The following TNR variants were observed in gnomAD, a reference collection of about 807,000 sequenced individuals.
The protein encoded by TNR is tenascin-R.
Under a neutral mutation model 150.4 loss-of-function variants are expected in TNR, and 45 were observed. That is an observed-to-expected ratio of 0.30 (90% confidence interval 0.24 to 0.38). The LOEUF (loss-of-function observed/expected upper bound fraction) is 0.38. Ranked by LOEUF, TNR falls within the 10% of genes least tolerant of loss-of-function variation. TNR has a pLI of 1.00. For missense variants in TNR, 1,544 were observed against 1,759.1 expected (o/e 0.88, Z 2.19); for synonymous variants, 687 against 678.4 (o/e 1.01, Z -0.20).
chr1:175,655,614 C>T (rs72725487), intron 1 of TNR, among the ~76,000 whole-genome samples: 10,669 of 152,204 alleles, frequency 0.07, 439 homozygotes, highest in East Asian at 0.14. Flanking sequence ...TGCAAAAGCA[C>T]CTTGAAGACT....
At chr1:175,330,358 T>G in intron 20 of TNR, 123 bp from the exon 21 acceptor site, 3 of 1,039,222 alleles carry the variant, frequency 2.9e-6, no homozygotes, top group Non-Finnish European at 4.0e-6. Context: ...AGATTGCTTT[T>G]GCTCTTGGTG....
intron 18 of TNR, among the ~76,000 whole-genome samples, chr1:175,352,448 A>C (rs1651095196): frequency 6.6e-6 from 1 of 152,222 alleles, no homozygotes; most frequent in African/African-American, 2.4e-5. Flanking sequence ...TTCAATGGAA[A>C]GCTCCAACCC....
intron 2 of TNR, among the ~76,000 whole-genome samples, chr1:175,448,446 G>A (rs1306269773): frequency 3.3e-5 from 5 of 152,012 alleles, no homozygotes; most frequent in South Asian, 2.1e-4. Flanking sequence ...TCCTGACCTC[G>A]TGATCCGCCC....
At chr1:175,609,092 A>G (rs1663511445) in intron 1 of TNR, among the ~76,000 whole-genome samples, 1 of 152,230 alleles carries the variant, frequency 6.6e-6, no homozygotes, top group South Asian at 2.1e-4. Context: ...TGGGGAATGG[A>G]TAAGCCAGGC....
At chr1:175,403,036 A>C in intron 4 of TNR, 104 bp downstream of exon 4, 16 of 972,440 alleles carry the variant, frequency 1.6e-5, no homozygotes, top group East Asian at 2.4e-5. Context: ...TATTTTGCCT[A>C]AACTTCACTT....
At chr1:175,519,190 C>T (rs749447840) in intron 2 of TNR, among the ~76,000 whole-genome samples, 14 of 152,186 alleles carry the variant, frequency 9.2e-5, no homozygotes, top group East Asian at 3.8e-4. Context: ...TTACAGTTAC[C>T]GCTCTGACTC....
At chr1:175,741,327 C>CT (rs957281616) in intron 1 of TNR, among the ~76,000 whole-genome samples, 7 of 152,150 alleles carry the variant, frequency 4.6e-5, no homozygotes, top group South Asian at 2.1e-4. Flanking sequence ...TCACTGAGCA[C>CT]TTTTTTTTCA....
chr1:175,554,637 T>C (rs925340910), intron 1 of TNR, among the ~76,000 whole-genome samples: 1 of 152,192 alleles, frequency 6.6e-6, no homozygotes, highest in Non-Finnish European at 1.5e-5. Context: ...TGGCTAAGGC[T>C]CTGGGCATGG....
chr1:175,465,196 A>G (rs373914041), intron 2 of TNR, among the ~76,000 whole-genome samples: 26 of 152,294 alleles, frequency 1.7e-4, no homozygotes, highest in African/African-American at 6.3e-4. Flanking sequence ...AGCTCTACCA[A>G]TTACTTGCAA....
rs184935015 is a variant in TNR at position 175,738,571 on chromosome 1, A to G, written c.-165+4655T>C. On this transcript the variant is annotated intron_variant, in intron 1 of 22. Transcript: ENST00000367674. ...GAGTTTCAATTTGGAAAAATGAGAA[A>G]GTTCGGAAAATGGATGATGGTGATG... 3.2e-3 allele frequency among the ~76,000 whole-genome samples: 490 copies of G among 152,344 alleles called. 3 individuals are homozygous for G. The highest frequency in any genetic ancestry group is 9.1e-3 in the African/African-American group (379 of 41,578).
intron 1 of TNR, chr1:175,539,156 A>C (rs1660403215): frequency 1.3e-5 from 2 of 152,254 alleles, no homozygotes; most frequent in Non-Finnish European, 2.9e-5. Context: ...AATCACACTC[A>C]GCTTTTCACA....
At position 175,318,484 on chromosome 1, in the gene TNR, A is replaced by G. The variant is rs769489132; in HGVS notation, c.*4873T>C. On this transcript the variant is annotated 3_prime_UTR_variant, in exon 23 of 23. Coordinates refer to ENST00000367674, the MANE Select transcript of TNR (RefSeq NM_003285.3). Reference sequence around the variant, plus strand: ...ACACCAATACATCATCTTAAAGCATATAGGAGTTACTTTCCCTGCTTGCTT... The same window carrying G: ...ACACCAATACATCATCTTAAAGCATGTAGGAGTTACTTTCCCTGCTTGCTT... The G allele has an allele frequency of 3.3e-5, 5 of 152,246 alleles. No individual in the cohort carries two copies. The highest frequency in any genetic ancestry group is 9.6e-5 in the African/African-American group (4 of 41,464). 9.4% of individuals were successfully genotyped at this position (152,246 alleles called of 1,614,324 possible). A position where few individuals can be genotyped will look rare whatever the true frequency, so the allele number is the denominator to read the frequency against.
chr1:175,630,255 C>T (rs1664285267), intron 1 of TNR, among the ~76,000 whole-genome samples: 1 of 152,164 alleles, frequency 6.6e-6, no homozygotes. Context: ...GAGAGAAGAG[C>T]CTTTACTTCA....
chr1:175,515,553 TG>T (rs769583743), intron 2 of TNR, among the ~76,000 whole-genome samples: 6 of 152,146 alleles, frequency 3.9e-5, no homozygotes, highest in Non-Finnish European at 8.8e-5. Flanking sequence ...ATTCTGGACT[TG>T]GGTGTGGCCA....
chr1:175,735,964 A>G (rs1312702217), intron 1 of TNR, among the ~76,000 whole-genome samples: 4 of 152,246 alleles, frequency 2.6e-5, no homozygotes, highest in African/African-American at 7.2e-5. Flanking sequence ...AGGAGAAAAA[A>G]TAGCCAACAC....
At chr1:175,529,208 A>C (rs1183423835) in intron 1 of TNR, among the ~76,000 whole-genome samples, 1 of 152,138 alleles carries the variant, frequency 6.6e-6, no homozygotes, top group African/African-American at 2.4e-5. Context: ...CCTTCTCCAA[A>C]TGGGACACTG....
At position 175,331,051 on chromosome 1, in the gene TNR, T is replaced by TTCTTTCTTTCTTTCTG. The variant is rs1649785581; in HGVS notation, c.3632-817_3632-816insCAGAAAGAAAGAAAGA. ...TTTCTTTCTTTCTTTCTTTCTTTCT[T>TTCTTTCTTTCTTTCTG]TCTTTCTTTCTTTCTTTCTTTCTTT... On this transcript the variant is annotated intron_variant, in intron 20 of 22. Transcript: ENST00000367674. Among the ~76,000 whole-genome samples the TTCTTTCTTTCTTTCTG allele has an allele frequency of 1.5e-3, 156 of 106,764 alleles. 5 individuals carry two copies. Among genetic ancestry groups the TTCTTTCTTTCTTTCTG allele is most frequent in the African/African-American group, 5.4e-3 (151 of 27,846 alleles). The allele number at this position is 106,764 out of a possible 152,430, so 70.0% of individuals were successfully genotyped here. A position where few individuals can be genotyped will look rare whatever the true frequency, so the allele number is the denominator to read the frequency against.
intron 1 of TNR, among the ~76,000 whole-genome samples, chr1:175,727,932 T>C (rs533533497): frequency 6.6e-6 from 1 of 152,358 alleles, no homozygotes; most frequent in East Asian, 1.9e-4. Flanking sequence ...AAAGGTAACT[T>C]ACTAGGAAAA....
intron 2 of TNR, among the ~76,000 whole-genome samples, chr1:175,512,238 G>C (rs535137809): frequency 6.6e-6 from 1 of 152,312 alleles, no homozygotes; most frequent in African/African-American, 2.4e-5. Flanking sequence ...GTTAAGATCC[G>C]TGACCATTTC....
Sources: gnomAD v4.1 joint callset for allele counts (sites outside exome capture counted in the v4.1 genomes callset) on GRCh38, gnomAD v4.1.1 for gene constraint, MANE v1.5 for transcripts, NCBI Gene and HGNC (gene_info 2026-07-23, HGNC 2026-07-21) for gene names.